DHX36: variants seen among roughly 807,000 people sequenced by gnomAD.
DHX36 encodes DEAH-box helicase 36.
A neutral mutation model predicts 139.0 loss-of-function variants in DHX36; 50 were observed. The observed-to-expected ratio is 0.36, with a 90% confidence interval of 0.29 to 0.46. The LOEUF (loss-of-function observed/expected upper bound fraction) is 0.46, where lower values mean the gene tolerates loss of function less well. Among genes scored for constraint, DHX36 ranks in the 20% least tolerant of loss-of-function variants. The pLI, the probability that DHX36 is intolerant of heterozygous loss-of-function variation, is 1.00. For missense variants in DHX36, 1,024 were observed against 1,211.3 expected (o/e 0.85, Z 2.29); for synonymous variants, 425 against 401.9 (o/e 1.06, Z -0.69).
chr3:154,288,065 T>TA (rs1429912341), intron 17 of DHX36, among the ~76,000 whole-genome samples: 1 of 145,160 alleles, frequency 6.9e-6, no homozygotes, highest in East Asian at 2.0e-4. Context: ...ACATGTACCT[T>TA]ATAACCCAGG....
intron 12 of DHX36, among the ~76,000 whole-genome samples, chr3:154,298,250 A>G (rs1712119209): frequency 6.6e-6 from 1 of 152,216 alleles, no homozygotes; most frequent in Non-Finnish European, 1.5e-5. Flanking sequence ...TTTGGTATAT[A>G]TCTTATCTTC....
At chr3:154,276,564 A>G in intron 24 of DHX36, 183 bp downstream of exon 24, 1 of 786,522 alleles carries the variant, frequency 1.3e-6, no homozygotes, top group Non-Finnish European at 2.0e-6. Flanking sequence ...TGAGCCATTT[A>G]GAATGGCTGG....
rs200330557 is a variant in DHX36 at position 154,316,172 on chromosome 3, T to C, written c.244-9A>G. 5 of 1,610,186 alleles carry C rather than the reference T, an allele frequency of 3.1e-6. No individual in the cohort carries two copies. The highest frequency in any genetic ancestry group is 2.7e-5 in the African/African-American group (2 of 74,662). ...ATGTGTACTACAGCTCTCTAGTTTG[T>C]GCAAAGAAAAAAGCATCCTTGTCAA... On this transcript the variant is annotated splice_polypyrimidine_tract_variant and intron_variant, in intron 1 of 24. Transcript: ENST00000496811.
At position 154,324,261 on chromosome 3, in the gene DHX36, C is replaced by A; in HGVS notation, c.156G>T (p.Arg52=). 3 of 1,613,546 alleles carry A rather than the reference C, an allele frequency of 1.9e-6. No homozygotes were observed. The highest frequency in any genetic ancestry group is 2.5e-6 in the Non-Finnish European group (3 of 1,179,736). ...CGCGGCCTTTCAGGTGCCCGGGATG[C>A]CGGCCCCTGCCGCCTCGACCACCCC... is the stretch of plus-strand genomic sequence containing the variant. The part of the protein sequence containing the change: ...GGGGGRGGRG[R]HPGHLKGREI... The change falls in exon 1 of 25, where the codon CGG becomes CGT. Residue 52 remains arginine, a synonymous_variant. Coordinates refer to ENST00000496811, the MANE Select transcript of DHX36 (RefSeq NM_020865.3).
chr3:154,304,420 T>C (rs1281145046), intron 8 of DHX36, among the ~76,000 whole-genome samples: 1 of 152,178 alleles, frequency 6.6e-6, no homozygotes, highest in Non-Finnish European at 1.5e-5. Context: ...GTGGCAAATA[T>C]ACTACCTGGA....
chr3:154,295,251 A>G, intron 13 of DHX36, 33 bp downstream of exon 13: 1 of 1,387,760 alleles, frequency 7.2e-7, no homozygotes, highest in Non-Finnish European at 9.9e-7. Flanking sequence ...CTCAGTTTGA[A>G]ATACATTTAA....
intron 1 of DHX36, chr3:154,319,071 G>A (rs779447613): frequency 6.6e-6 from 1 of 152,170 alleles, no homozygotes; most frequent in Admixed American, 6.5e-5. Flanking sequence ...GCAGGTAGCA[G>A]AGAACATACC....
rs1713236699 is a variant in DHX36, at chr3:154,322,644, T to C, written c.243+1530A>G. 2.0e-5 allele frequency among the ~76,000 whole-genome samples: 3 copies of C among 152,350 alleles called. 1 individual carries two copies. In the South Asian group the frequency reaches 6.2e-4, roughly 32 times the overall value. On this transcript the variant is annotated intron_variant, in intron 1 of 24. Transcript: ENST00000496811. ...AAGTAGAAATGAAAAGTTCCATTCA[T>C]AACATCCACTGCACAACTGGCTATA...
chr3:154,306,317 A>C, intron 5 of DHX36, 22 bp from the exon 6 acceptor site: 3 of 1,590,236 alleles, frequency 1.9e-6, no homozygotes, highest in Non-Finnish European at 2.6e-6. Flanking sequence ...ATAAAACATA[A>C]AGAGAATATA....
At chr3:154,316,455 T>C (rs556413145) in intron 1 of DHX36, among the ~76,000 whole-genome samples, 18 of 152,096 alleles carry the variant, frequency 1.2e-4, no homozygotes, top group Non-Finnish European at 2.6e-4. Context: ...CTGGTTCTCT[T>C]ACCCCAAACC....
At chr3:154,311,085 C>T (rs6777639) in intron 4 of DHX36, among the ~76,000 whole-genome samples, 27,949 of 150,588 alleles carry the variant, frequency 0.19, 3,727 homozygotes, top group East Asian at 0.38. Flanking sequence ...TCCTCAAGAA[C>T]TTACACTGGC....
At chr3:154,291,287 T>G (rs547406967) in intron 15 of DHX36, among the ~76,000 whole-genome samples, 1 of 152,138 alleles carries the variant, frequency 6.6e-6, no homozygotes, top group South Asian at 2.1e-4. Flanking sequence ...AAAACAGCAA[T>G]TCCACAGTTA....
chr3:154,323,133 G>C (rs569962513), intron 1 of DHX36, among the ~76,000 whole-genome samples: 8 of 152,148 alleles, frequency 5.3e-5, no homozygotes, highest in African/African-American at 1.4e-4. Context: ...TCAGGAGTTC[G>C]AGACCAACCT....
intron 12 of DHX36, among the ~76,000 whole-genome samples, chr3:154,298,795 G>A (rs542794712): frequency 1.8e-4 from 27 of 152,118 alleles, no homozygotes; most frequent in Admixed American, 7.2e-4. Flanking sequence ...GGTGCCTGCA[G>A]TCCCAGCTAC....
At chr3:154,304,464 G>T (rs575434689) in intron 8 of DHX36, among the ~76,000 whole-genome samples, 1 of 152,326 alleles carries the variant, frequency 6.6e-6, no homozygotes, top group Non-Finnish European at 1.5e-5. Flanking sequence ...GTCACTAGCA[G>T]TATTAGCAGC....
chr3:154,283,915 A>T (rs1338472151), intron 19 of DHX36, among the ~76,000 whole-genome samples: 2 of 152,172 alleles, frequency 1.3e-5, no homozygotes, highest in Non-Finnish European at 2.9e-5. Flanking sequence ...TACATGTTAA[A>T]TCTGAATACA....
intron 23 of DHX36, among the ~76,000 whole-genome samples, chr3:154,277,139 TTC>T (rs1286722756): frequency 9.9e-5 from 15 of 152,202 alleles, no homozygotes; most frequent in African/African-American, 2.7e-4. Context: ...ACAAAATATT[TTC>T]TGAGTGACAA....
intron 1 of DHX36, among the ~76,000 whole-genome samples, 184 bp downstream of exon 1, chr3:154,323,990 G>A (rs535017430): frequency 5.9e-4 from 90 of 152,320 alleles, no homozygotes; most frequent in African/African-American, 2.2e-3. Flanking sequence ...TTGGTCAGAT[G>A]AGCATGGCTA....
chr3:154,298,215 C>T (rs1220005019), intron 12 of DHX36, among the ~76,000 whole-genome samples: 1 of 152,130 alleles, frequency 6.6e-6, no homozygotes, highest in East Asian at 1.9e-4. Context: ...CTCTCCATCA[C>T]ATACACTAAA....
Sources: gnomAD v4.1 joint callset for allele counts (sites outside exome capture counted in the v4.1 genomes callset) on GRCh38, gnomAD v4.1.1 for gene constraint, MANE v1.5 for transcripts, NCBI Gene and HGNC (gene_info 2026-07-23, HGNC 2026-07-21) for gene names.